Variants in NEXMIF observed in about 807,000 individuals in gnomAD.
NEXMIF encodes XLMR protein related to neurite extension.
A neutral mutation model predicts 62.1 loss-of-function variants in NEXMIF; 8 were observed. The ratio of observed to expected loss-of-function variants is 0.13; its 90% confidence interval spans 0.08 to 0.23. The LOEUF (loss-of-function observed/expected upper bound fraction) is 0.23, where lower values mean the gene tolerates loss of function less well. NEXMIF is among the 10% of genes least tolerant of loss of function. The pLI, the probability that NEXMIF is intolerant of heterozygous loss-of-function variation, is 1.00. For synonymous variants in NEXMIF, 404 were observed against 416.6 expected (o/e 0.97, Z 0.37); for missense variants, 976 against 1,113.3 (o/e 0.88, Z 1.75).
chrX:74,793,947 T>C (rs1468824256), intron 1 of NEXMIF, among the ~76,000 whole-genome samples: 5 of 84,291 alleles, frequency 5.9e-5, no homozygotes, highest in Non-Finnish European at 9.5e-5. Context: ...CAGAGTAATT[T>C]GATCGTCTGA....
intron 1 of NEXMIF, among the ~76,000 whole-genome samples, chrX:74,875,078 C>T (rs1367359326): frequency 9.0e-6 from 1 of 111,589 alleles, no homozygotes; most frequent in Non-Finnish European, 1.9e-5. Context: ...TGCCAGTTTT[C>T]AAAGGGAATG....
chrX:74,912,023 C>T (rs977592607), intron 1 of NEXMIF, among the ~76,000 whole-genome samples: 1 of 111,805 alleles, frequency 8.9e-6, no homozygotes, highest in African/African-American at 3.3e-5. Flanking sequence ...ATTGAAAACA[C>T]TGAATCTACA....
intron 1 of NEXMIF, among the ~76,000 whole-genome samples, chrX:74,860,153 C>T (rs1191997531): frequency 2.7e-5 from 3 of 111,054 alleles, no homozygotes; most frequent in Non-Finnish European, 5.7e-5. Context: ...ACATACTTCA[C>T]CTATAAGAAA....
chrX:74,865,650 G>A (rs1189471813), intron 1 of NEXMIF, among the ~76,000 whole-genome samples: 1 of 111,786 alleles, frequency 8.9e-6, no homozygotes, highest in Admixed American at 9.5e-5. Context: ...GGCCTAGAAG[G>A]GAAAAATGGT....
At chrX:74,884,246 A>G (rs776770935) in intron 1 of NEXMIF, among the ~76,000 whole-genome samples, 47 of 112,125 alleles carry the variant, frequency 4.2e-4, no homozygotes, top group Non-Finnish European at 8.1e-4. Context: ...ACTAATGAGC[A>G]AAATAACCAG....
chrX:74,742,585 C>A lies in NEXMIF; in HGVS notation c.1972G>T (p.Asp658Tyr), dbSNP rs2147440558. ...TTATGATTACTAGCGTGCCTCTGAT[C>A]ATTACATAATGAAATCTGTTTACTA... is the stretch of plus-strand genomic sequence containing the variant. ...ASSKQISLCN[D>Y]QRHASNHKED... is the part of the protein sequence containing the mutation. The change falls in exon 3 of 4, where the codon GAT becomes TAT. Residue 658 changes from aspartate (D) to tyrosine (Y), a missense_variant. Asp to Tyr is a radical substitution (Grantham distance 160). Around this residue, in one of 5 missense-constraint regions of NEXMIF, gnomAD observed 639 missense variants for 694.5 expected, o/e 0.92. Transcript: ENST00000055682. 1 of 1,209,539 alleles carries A rather than the reference C, an allele frequency of 8.3e-7. No individual in the cohort carries two copies. Among genetic ancestry groups the A allele is most frequent in the East Asian group, 3.0e-5 (1 of 33,791 alleles).
chrX:74,796,051 C>A (rs2080305399), intron 1 of NEXMIF, among the ~76,000 whole-genome samples: 1 of 91,071 alleles, frequency 1.1e-5, no homozygotes, highest in Admixed American at 1.4e-4. Flanking sequence ...CTAGAATGAA[C>A]CCTGTAGTAT....
intron 1 of NEXMIF, among the ~76,000 whole-genome samples, chrX:74,796,241 TATAC>T (rs1361215951): frequency 2.8e-4 from 15 of 53,177 alleles, no homozygotes; most frequent in Admixed American, 6.6e-4. Context: ...TATATATATA[TATAC>T]ACATATATAT....
intron 1 of NEXMIF, among the ~76,000 whole-genome samples, chrX:74,791,291 G>T (rs2080281537): frequency 8.9e-6 from 1 of 111,757 alleles, no homozygotes; most frequent in African/African-American, 3.3e-5. Context: ...ATTGATTTGT[G>T]TATATTGAAC....
chrX:74,898,278 C>G (rs139042525), intron 1 of NEXMIF, among the ~76,000 whole-genome samples: 1,677 of 111,825 alleles, frequency 0.015, 29 homozygotes, highest in African/African-American at 0.052. Context: ...GCACTTTATT[C>G]CTGTGGTCTT....
intron 1 of NEXMIF, among the ~76,000 whole-genome samples, chrX:74,820,279 T>C (rs966219304): frequency 1.0e-4 from 11 of 109,958 alleles, no homozygotes; most frequent in Admixed American, 3.9e-4. Flanking sequence ...GACCCATGTA[T>C]ACCTATGTAT....
intron 1 of NEXMIF, among the ~76,000 whole-genome samples, chrX:74,765,532 T>A (rs1172083986): frequency 1.8e-5 from 2 of 112,064 alleles, no homozygotes; most frequent in African/African-American, 6.5e-5. Context: ...TTGGACAGTG[T>A]ACTTAAGTTT....
At chrX:74,836,242 C>G (rs917273073) in intron 1 of NEXMIF, among the ~76,000 whole-genome samples, 1 of 112,803 alleles carries the variant, frequency 8.9e-6, no homozygotes, top group African/African-American at 3.2e-5. Context: ...GAGCCTAGGC[C>G]TAGACTCAGG....
intron 1 of NEXMIF, among the ~76,000 whole-genome samples, chrX:74,755,503 A>C (rs983497570): frequency 9.0e-6 from 1 of 111,515 alleles, no homozygotes; most frequent in Admixed American, 9.6e-5. Context: ...ATATTGGTTC[A>C]ACGTGAATTT....
chrX:74,872,740 T>G (rs1206440752), intron 1 of NEXMIF, among the ~76,000 whole-genome samples: 1 of 109,726 alleles, frequency 9.1e-6, no homozygotes, highest in Middle Eastern at 4.3e-3. Context: ...TACCCTGATG[T>G]GGTTATTACC....
intron 1 of NEXMIF, among the ~76,000 whole-genome samples, chrX:74,843,694 G>A (rs1389844535): frequency 7.1e-5 from 8 of 112,134 alleles, no homozygotes; most frequent in East Asian, 2.8e-4. Context: ...GATTACAGGC[G>A]TGAGCCACCG....
intron 1 of NEXMIF, among the ~76,000 whole-genome samples, chrX:74,879,975 CTAAT>C (rs1015332666): frequency 8.0e-5 from 9 of 112,038 alleles, no homozygotes; most frequent in African/African-American, 9.7e-5. Context: ...AACGCATTCT[CTAAT>C]TAACATACCA....
intron 1 of NEXMIF, among the ~76,000 whole-genome samples, chrX:74,850,403 G>C (rs2080508743): frequency 8.9e-6 from 1 of 112,305 alleles, no homozygotes; most frequent in African/African-American, 3.2e-5. Flanking sequence ...GCCACATGGA[G>C]GTGCAACCAT....
intron 1 of NEXMIF, among the ~76,000 whole-genome samples, chrX:74,882,451 T>C (rs1036224355): frequency 2.7e-5 from 3 of 112,105 alleles, no homozygotes; most frequent in Non-Finnish European, 3.8e-5. Context: ...CCCACCCTAA[T>C]ACTGTGCTTT....
Sources: allele counts gnomAD v4.1 joint callset (sites outside exome capture counted in the v4.1 genomes callset), GRCh38; gene constraint gnomAD v4.1.1; regional missense constraint gnomAD v4.1.1; transcripts MANE v1.5; gene names NCBI Gene and HGNC (gene_info 2026-07-23, HGNC 2026-07-21).